The following DMXL1 variants were observed in gnomAD, a reference collection of about 807,000 sequenced individuals.
DMXL1 encodes the protein Dmx like 1, also known as dmX-like protein 1.
Under a neutral mutation model 319.2 loss-of-function variants are expected in DMXL1, and 99 were observed. The ratio of observed to expected loss-of-function variants is 0.31; its 90% confidence interval spans 0.26 to 0.37. DMXL1 has a LOEUF of 0.37. Ranked by LOEUF, DMXL1 falls within the 10% of genes least tolerant of loss-of-function variation. DMXL1 has a pLI of 1.00. For missense variants in DMXL1, 3,745 were observed against 3,595.6 expected (o/e 1.04, Z -1.06); for synonymous variants, 1,385 against 1,235.2 (o/e 1.12, Z -2.54).
intron 3 of DMXL1, among the ~76,000 whole-genome samples, chr5:119,103,756 C>A (rs992722977): frequency 2.0e-5 from 3 of 152,102 alleles, no homozygotes; most frequent in African/African-American, 7.2e-5. Context: ...CAGCCCAGAA[C>A]AGTGTATTTC....
intron 13 of DMXL1, among the ~76,000 whole-genome samples, chr5:119,136,205 A>G (rs1172340595): frequency 6.6e-6 from 1 of 152,244 alleles, no homozygotes; most frequent in African/African-American, 2.4e-5. Context: ...GATCTGTGGA[A>G]CTTTGAACTT....
intron 22 of DMXL1, 74 bp from the exon 23 acceptor site, chr5:119,167,529 T>C: frequency 8.2e-7 from 1 of 1,212,694 alleles, no homozygotes. Flanking sequence ...TTTCTAGTTA[T>C]TAGTGAGTTA....
At chr5:119,169,787 G>C (rs978729898) in intron 23 of DMXL1, among the ~76,000 whole-genome samples, 1 of 152,264 alleles carries the variant, frequency 6.6e-6, no homozygotes, top group Admixed American at 6.5e-5. Flanking sequence ...AGGGAATATA[G>C]ATAGAAAATA....
chr5:119,113,056 C>CTTTTTTTTTTTTT (rs1215548246), intron 5 of DMXL1, among the ~76,000 whole-genome samples: 1 of 152,158 alleles, frequency 6.6e-6, no homozygotes, highest in African/African-American at 2.4e-5. Context: ...GTTCACTTCT[C>CTTTTTTTTTTTTT]TTTTTTGTTC....
At chr5:119,166,553 A>G in intron 21 of DMXL1, 63 bp from the exon 22 acceptor site, 2 of 1,443,240 alleles carry the variant, frequency 1.4e-6, no homozygotes, top group Middle Eastern at 2.0e-4. Context: ...ACTTTAGAAA[A>G]TTGATTCTGA....
intron 35 of DMXL1, among the ~76,000 whole-genome samples, chr5:119,219,839 A>T (rs934750980): frequency 6.6e-6 from 1 of 152,098 alleles, no homozygotes; most frequent in African/African-American, 2.4e-5. Context: ...AAGTGCTAGG[A>T]TTATAGACGT....
At chr5:119,224,501 C>A (rs528928135) in intron 37 of DMXL1, among the ~76,000 whole-genome samples, 3 of 151,994 alleles carry the variant, frequency 2.0e-5, no homozygotes, top group Non-Finnish European at 4.4e-5. Flanking sequence ...ATCTTTAGAT[C>A]CTAGTCAGTA....
At position 119,247,209 on chromosome 5, in the gene DMXL1, T is replaced by A. The variant is rs376750364; in HGVS notation, c.9137T>A (p.Phe3046Tyr). The A allele has an allele frequency of 1.2e-6, 2 of 1,610,106 alleles. No individual in the cohort carries two copies. Among genetic ancestry groups the A allele is most frequent in the African/African-American group, 2.7e-5 (2 of 74,822 alleles). ...LNEVLKNDVK[F>Y]ML The stretch of plus-strand genomic sequence containing the variant: ...GAAGTGTTGAAAAATGATGTGAAAT[T>A]TATGCTATAACATTTTTACAATAAG... Residue 3046 changes from phenylalanine (F) to tyrosine (Y), a missense_variant, in exon 44 of 44, where the codon TTT becomes TAT. This residue lies in a region of DMXL1 where 262 missense variants were observed against 320.5 expected (regional missense o/e 0.82). Transcript: ENST00000539542.
chr5:119,196,587 C>G (rs981559354), intron 31 of DMXL1, 131 bp downstream of exon 31: 3 of 612,402 alleles, frequency 4.9e-6, no homozygotes, highest in Non-Finnish European at 8.2e-6. Flanking sequence ...AGTTAGATTT[C>G]TTTTAACTAA....
chr5:119,097,483 C>T (rs180980212), intron 1 of DMXL1, among the ~76,000 whole-genome samples: 212 of 152,030 alleles, frequency 1.4e-3, no homozygotes, highest in African/African-American at 4.7e-3. Flanking sequence ...TTTGGGAGGC[C>T]GAGACGGGTG....
intron 1 of DMXL1, among the ~76,000 whole-genome samples, chr5:119,088,473 T>A (rs1753859883): frequency 6.6e-6 from 1 of 152,286 alleles, no homozygotes; most frequent in South Asian, 2.1e-4. Context: ...GCAAAAGTAA[T>A]TGTGAGTTTT....
At chr5:119,097,893 C>G in intron 1 of DMXL1, 86 bp from the exon 2 acceptor site, 1 of 1,194,542 alleles carries the variant, frequency 8.4e-7, no homozygotes, top group Non-Finnish European at 1.2e-6. Flanking sequence ...TTCTCCCTGC[C>G]TTAAAACATG....
intron 1 of DMXL1, among the ~76,000 whole-genome samples, chr5:119,089,360 C>T (rs1754173159): frequency 8.3e-6 from 1 of 120,664 alleles, no homozygotes; most frequent in African/African-American, 3.2e-5. Flanking sequence ...GGCTAGAGTG[C>T]AGTGGCACGA....
At chr5:119,214,947 C>T (rs912962339) in intron 34 of DMXL1, among the ~76,000 whole-genome samples, 2 of 152,118 alleles carry the variant, frequency 1.3e-5, no homozygotes, top group Non-Finnish European at 2.9e-5. Context: ...CTTTCTCTGT[C>T]GCCAATTTCT....
At chr5:119,224,237 T>A (rs796358045) in intron 37 of DMXL1, among the ~76,000 whole-genome samples, 6 of 152,274 alleles carry the variant, frequency 3.9e-5, no homozygotes, top group African/African-American at 1.4e-4. Flanking sequence ...TCTATAAATT[T>A]TTCCTTTAAT....
At chr5:119,141,558 T>G (rs187027419) in intron 13 of DMXL1, among the ~76,000 whole-genome samples, 1 of 151,984 alleles carries the variant, frequency 6.6e-6, no homozygotes, top group Non-Finnish European at 1.5e-5. Flanking sequence ...GGGTGGAAGA[T>G]CTCTACAATG....
intron 9 of DMXL1, among the ~76,000 whole-genome samples, chr5:119,121,503 C>T (rs1218096723): frequency 2.0e-5 from 3 of 152,010 alleles, no homozygotes; most frequent in Non-Finnish European, 4.4e-5. Flanking sequence ...ATGCTGCCTT[C>T]AGGCATCTGT....
chr5:119,246,542 A>G (rs1328155074), intron 43 of DMXL1, among the ~76,000 whole-genome samples: 1 of 152,092 alleles, frequency 6.6e-6, no homozygotes, highest in East Asian at 1.9e-4. Context: ...TCCTAGGCCT[A>G]CACAGATTTT....
At chr5:119,112,751 A>G (rs1412185915) in intron 5 of DMXL1, among the ~76,000 whole-genome samples, 1 of 152,102 alleles carries the variant, frequency 6.6e-6, no homozygotes, top group African/African-American at 2.4e-5. Context: ...GAGGTCGGCA[A>G]TTCAAGACCA....
Sources: allele counts gnomAD v4.1 joint callset (sites outside exome capture counted in the v4.1 genomes callset), GRCh38; gene constraint gnomAD v4.1.1; regional missense constraint gnomAD v4.1.1; transcripts MANE v1.5; gene names NCBI Gene and HGNC (gene_info 2026-07-23, HGNC 2026-07-21).